Variants in DCDC1 observed in about 807,000 individuals in gnomAD.
The protein encoded by DCDC1 is doublecortin domain containing 1.
DCDC1 carries 200 observed loss-of-function variants against 178.3 expected under a neutral mutation model. The observed-to-expected ratio is 1.12, with a 90% CI of 1.00 to 1.26. DCDC1 has a LOEUF of 1.26. Ranked by LOEUF, DCDC1 falls within the 50% of genes most tolerant of loss-of-function variation. The pLI is 0.00. For synonymous variants in DCDC1, 690 were observed against 604.8 expected, an observed-to-expected ratio of 1.14 and a Z score of -2.07; for missense variants, 1,983 against 1,749.2, an observed-to-expected ratio of 1.13 and a Z score of -2.38.
chr11:30,952,362 T>C, intron 21 of DCDC1, 83 bp downstream of exon 21: 27 of 1,289,118 alleles, frequency 2.1e-5, no homozygotes, highest in East Asian at 1.2e-4. Flanking sequence ...TCAAAAGCTA[T>C]ATGGAAGTTG....
intron 20 of DCDC1, among the ~76,000 whole-genome samples, chr11:30,969,020 C>T (rs754486806): frequency 3.3e-5 from 5 of 151,948 alleles, no homozygotes; most frequent in Admixed American, 1.3e-4. Flanking sequence ...GAAATTCCAT[C>T]ATTGCCAATA....
At position 30,918,562 on chromosome 11, in the gene DCDC1, C is replaced by T. The variant is rs182241136; in HGVS notation, c.3294-1534G>A. Among the ~76,000 whole-genome samples, 489 of 152,196 alleles carry T rather than the reference C, an allele frequency of 3.2e-3. 5 individuals carry two copies. The highest frequency in any genetic ancestry group is 0.011 in the African/African-American group (467 of 41,530). ...TTAGCAATGGAGTCAAAGAAGGTTT[C>T]TCTGAGAGGTGATGTTTGAATTGAG... On this transcript the variant is annotated intron_variant, in intron 25 of 38. Transcript: ENST00000684477.
At chr11:31,240,404 A>C (rs1976972074) in intron 9 of DCDC1, among the ~76,000 whole-genome samples, 2 of 151,930 alleles carry the variant, frequency 1.3e-5, no homozygotes, top group Admixed American at 6.6e-5. Context: ...CATTTTGCGA[A>C]GTTTTCTTGG....
At chr11:30,893,646 G>C (rs1430570110) in intron 35 of DCDC1, among the ~76,000 whole-genome samples, 1 of 152,142 alleles carries the variant, frequency 6.6e-6, no homozygotes, top group Non-Finnish European at 1.5e-5. Flanking sequence ...CTAAGATTTA[G>C]ATTGAAAACA....
Position 30,984,238 on chromosome 11 carries a change from C to T in DCDC1, c.2592-31670G>A, listed in dbSNP as rs186007415. Among the ~76,000 whole-genome samples, 149 of 152,172 alleles carry T rather than the reference C, an allele frequency of 9.8e-4. 1 individual carries two copies. Among genetic ancestry groups the T allele is most frequent in the African/African-American group, 3.3e-3 (135 of 41,528 alleles). On this transcript the variant is annotated intron_variant, in intron 20 of 38. Transcript: ENST00000684477. The stretch of plus-strand genomic sequence containing the variant: ...TGTGAGATGGCTGTGTGTGTGCGAG[C>T]GCAGGTGTGTGTTTGGGCACGTGTG...
chr11:30,871,993 T>C (rs1941625764), intron 38 of DCDC1, among the ~76,000 whole-genome samples: 1 of 152,068 alleles, frequency 6.6e-6, no homozygotes, highest in Non-Finnish European at 1.5e-5. Flanking sequence ...ATGTGAATGT[T>C]GGACTAGACA....
intron 9 of DCDC1, among the ~76,000 whole-genome samples, chr11:31,170,924 G>A (rs1353012851): frequency 6.6e-6 from 1 of 152,076 alleles, no homozygotes. Flanking sequence ...TGCCTCCCGG[G>A]TTCAAATGAT....
chr11:31,056,867 T>C (rs1444681711), intron 20 of DCDC1, among the ~76,000 whole-genome samples: 1 of 152,152 alleles, frequency 6.6e-6, no homozygotes, highest in Non-Finnish European at 1.5e-5. Context: ...CTTCAGAATA[T>C]GTATTTTCTC....
Position 31,138,425 on chromosome 11 carries a change from A to T in DCDC1, c.1222-641T>A, listed in dbSNP as rs79819813. Among the ~76,000 whole-genome samples the T allele has an allele frequency of 8.8e-3, 1,338 of 152,332 alleles. 22 individuals carry two copies. The highest frequency in any genetic ancestry group is 0.029 in the African/African-American group (1,212 of 41,574). On this transcript the variant is annotated intron_variant, in intron 9 of 38. Transcript: ENST00000684477. ...CCTTATAGAAACAAATGCTATTTTCATGCTAAACATGCAATTGTTATGTTT... is the reference window on the plus strand; with the variant it reads ...CCTTATAGAAACAAATGCTATTTTCTTGCTAAACATGCAATTGTTATGTTT...
chr11:30,894,289 G>A lies in DCDC1; in HGVS notation c.4861C>T (p.Gln1621Ter). 4 of 1,613,716 alleles carry A rather than the reference G, an allele frequency of 2.5e-6. No homozygotes were observed. The highest frequency in any genetic ancestry group is 2.5e-6 in the Non-Finnish European group (3 of 1,179,770). ...AGTTCCATGAGTTTAATTTCCTGTT[G>A]AGTCTGTTCGGTCCAGCCTCCTTCA... is the stretch of plus-strand genomic sequence containing the variant. Reference protein sequence around the residue: ...VVEGGWTEQTQQEIKLMELIR... With the variant: ...VVEGGWTEQT The change falls in exon 35 of 39, where the codon CAA becomes TAA. Residue 1621 changes from glutamine to a stop codon, truncating the protein, a stop_gained. Transcript: ENST00000684477. LOFTEE classifies it high-confidence loss of function.
At chr11:31,011,108 A>G (rs1952141137) in intron 20 of DCDC1, among the ~76,000 whole-genome samples, 1 of 152,176 alleles carries the variant, frequency 6.6e-6, no homozygotes, top group African/African-American at 2.4e-5. Flanking sequence ...TGCAACAATT[A>G]ATTCAACATG....
intron 7 of DCDC1, chr11:31,280,949 T>G (rs1946382148): frequency 4.7e-6 from 3 of 635,196 alleles, no homozygotes; most frequent in Admixed American, 1.8e-5. Context: ...GGCACACTTT[T>G]GAACAAAAAC....
chr11:31,099,597 C>T (rs986923178), intron 15 of DCDC1, among the ~76,000 whole-genome samples: 12 of 151,894 alleles, frequency 7.9e-5, no homozygotes, highest in African/African-American at 2.9e-4. Context: ...TTGTAAATGG[C>T]GCAGAAGGGA....
At chr11:31,349,359 C>T (rs1013533505) in intron 1 of DCDC1, among the ~76,000 whole-genome samples, 1 of 152,158 alleles carries the variant, frequency 6.6e-6, no homozygotes, top group Non-Finnish European at 1.5e-5. Context: ...TTTGCGAATT[C>T]CTGACCCCAT....
Position 31,201,662 on chromosome 11 carries a change from GA to G in DCDC1, c.1221+39787del, listed in dbSNP as rs1042408549. Among the ~76,000 whole-genome samples, 978 of 108,940 alleles carry G rather than the reference GA, an allele frequency of 9.0e-3. 8 individuals carry two copies. Among genetic ancestry groups the G allele is most frequent in the African/African-American group, 0.025 (729 of 29,636 alleles). 71.5% of individuals were successfully genotyped at this position (108,940 alleles called of 152,430 possible). On this transcript the variant is annotated intron_variant, in intron 9 of 38. Transcript: ENST00000684477. ...CTAAAAAACAAGACAGGGAAGGAAAGAAAAAAAAAAAAAGACAATGAAATGC... is the reference window on the plus strand; with the variant it reads ...CTAAAAAACAAGACAGGGAAGGAAAGAAAAAAAAAAAAGACAATGAAATGC...
At chr11:31,085,075 C>T (rs1264753961) in intron 17 of DCDC1, among the ~76,000 whole-genome samples, 3 of 151,698 alleles carry the variant, frequency 2.0e-5, no homozygotes, top group African/African-American at 4.8e-5. Context: ...ATGAACTATC[C>T]CATTGAGAAA....
At chr11:31,332,972 A>G (rs1470167759) in intron 2 of DCDC1, among the ~76,000 whole-genome samples, 1 of 152,132 alleles carries the variant, frequency 6.6e-6, no homozygotes, top group African/African-American at 2.4e-5. Context: ...TCTAATACTG[A>G]CAGTGGGGTG....
chr11:31,016,880 A>C (rs953585964), intron 20 of DCDC1, among the ~76,000 whole-genome samples: 9 of 152,228 alleles, frequency 5.9e-5, no homozygotes, highest in African/African-American at 2.2e-4. Context: ...AACCACTGTC[A>C]TATTAAGTTT....
intron 9 of DCDC1, among the ~76,000 whole-genome samples, chr11:31,188,230 G>A (rs1232746617): frequency 6.6e-6 from 1 of 152,082 alleles, no homozygotes; most frequent in East Asian, 1.9e-4. Flanking sequence ...TACAACAACA[G>A]AGATAGTAAA....
Sources: gnomAD v4.1 joint callset for allele counts (sites outside exome capture counted in the v4.1 genomes callset) on GRCh38, gnomAD v4.1.1 for gene constraint, MANE v1.5 for transcripts, NCBI Gene and HGNC (gene_info 2026-07-23, HGNC 2026-07-21) for gene names.